The following ITGB1 variants were observed in gnomAD, a reference collection of about 807,000 sequenced individuals.
ITGB1 encodes the protein integrin subunit beta 1, also known as integrin beta-1.
Under a neutral mutation model 86.5 loss-of-function variants are expected in ITGB1, and 24 were observed. The observed-to-expected ratio is 0.28, with a 90% CI of 0.20 to 0.39. The LOEUF (loss-of-function observed/expected upper bound fraction) is 0.39. ITGB1 is among the 10% of genes least tolerant of loss of function. The probability of loss-of-function intolerance (pLI) is 1.00; values close to 1 mark genes in which losing one functional copy is unlikely to be tolerated. For missense variants in ITGB1, 556 were observed against 946.9 expected (o/e 0.59, Z 5.42); for synonymous variants, 323 against 316.8 (o/e 1.02, Z -0.21).
At chr10:32,933,836 A>G (rs183539841) in intron 2 of ITGB1, among the ~76,000 whole-genome samples, 132 of 152,256 alleles carry the variant, frequency 8.7e-4, no homozygotes, top group African/African-American at 3.1e-3. Context: ...TTATCATCAC[A>G]AATTCTTTTT....
intron 15 of ITGB1, among the ~76,000 whole-genome samples, chr10:32,902,271 A>T (rs1421308353): frequency 6.6e-6 from 1 of 152,238 alleles, no homozygotes; most frequent in Non-Finnish European, 1.5e-5. Flanking sequence ...GTCTTATTGC[A>T]GTGCTATAAT....
chr10:32,930,847 T>G (rs550531141), intron 3 of ITGB1, among the ~76,000 whole-genome samples: 1 of 152,082 alleles, frequency 6.6e-6, no homozygotes, highest in Non-Finnish European at 1.5e-5. Flanking sequence ...AAATAAAAAT[T>G]TAATCATATA....
In ITGB1 at chr10:32,915,442, G is replaced by A. The variant is rs560527855; in HGVS notation, c.1470-3318C>T. Among the ~76,000 whole-genome samples, 509 of 152,172 alleles carry A rather than the reference G, an allele frequency of 3.3e-3. 3 individuals carry two copies. Among genetic ancestry groups the A allele is most frequent in the Non-Finnish European group, 5.8e-3 (395 of 68,008 alleles). On this transcript the variant is annotated intron_variant, in intron 11 of 15. Coordinates refer to ENST00000302278, the MANE Select transcript of ITGB1 (RefSeq NM_002211.4). ...AGCAAGACTAATAAAGAAGAAAAGA[G>A]AAGAATCAAATAGATGCAATAAAAA...
intron 1 of ITGB1, chr10:32,951,840 G>A (rs1314158971): frequency 6.6e-6 from 1 of 152,154 alleles, no homozygotes; most frequent in East Asian, 1.9e-4. Flanking sequence ...ATTGTGAGTG[G>A]AGCCAGCAAA....
intron 14 of ITGB1, 24 bp downstream of exon 14, chr10:32,910,199 T>C (rs372592735): frequency 2.6e-6 from 4 of 1,513,534 alleles, no homozygotes; most frequent in Non-Finnish European, 3.7e-6. Context: ...ATGAAAAGAA[T>C]GTCTGCAATC....
chr10:32,928,577 G>C (rs2094972950), intron 4 of ITGB1, among the ~76,000 whole-genome samples: 1 of 152,142 alleles, frequency 6.6e-6, no homozygotes, highest in Non-Finnish European at 1.5e-5. Flanking sequence ...TTAGTCTGGA[G>C]AGGGCAAGGC....
At chr10:32,947,102 CA>C (rs1380375939) in intron 1 of ITGB1, among the ~76,000 whole-genome samples, 1 of 152,070 alleles carries the variant, frequency 6.6e-6, no homozygotes, top group Non-Finnish European at 1.5e-5. Context: ...CTCTGCCTCC[CA>C]AAGTGGTGGG....
intron 1 of ITGB1, among the ~76,000 whole-genome samples, chr10:32,954,440 A>G (rs1032327918): frequency 4.6e-5 from 7 of 152,170 alleles, no homozygotes; most frequent in African/African-American, 7.2e-5. Flanking sequence ...GGGATCTGCA[A>G]AGCTTTCTGA....
intron 1 of ITGB1, chr10:32,944,646 T>A: frequency 1.6e-6 from 1 of 625,392 alleles, no homozygotes; most frequent in South Asian, 1.5e-5. Flanking sequence ...TATAGCTAGC[T>A]GTTGGGTGGT....
intron 8 of ITGB1, 131 bp downstream of exon 8, chr10:32,922,509 T>C: frequency 2.6e-6 from 2 of 761,614 alleles, no homozygotes; most frequent in Non-Finnish European, 4.3e-6. Flanking sequence ...GATTAAAAAT[T>C]AATATAAACC....
rs1185321124 is a variant in ITGB1 at position 32,922,706 on chromosome 10, C to T, written c.972G>A (p.Gln324=). The T allele has an allele frequency of 6.2e-7, 1 of 1,603,954 alleles. No homozygotes were observed. The highest frequency in any genetic ancestry group is 8.5e-7 in the Non-Finnish European group (1 of 1,172,702). The change falls in exon 8 of 16, where the codon CAG becomes CAA. Residue 324 remains glutamine, a synonymous_variant. Coordinates refer to ENST00000302278, the MANE Select transcript of ITGB1 (RefSeq NM_002211.4). Reference sequence around the variant, plus strand: ...TCTGAATATTATTTTCACTCAGTTTCTGGACAAGGTGAGCAATAGAAGGAT... The same window carrying T: ...TCTGAATATTATTTTCACTCAGTTTTTGGACAAGGTGAGCAATAGAAGGAT... ...YDYPSIAHLV[Q]KLSENNIQTI...
chr10:32,948,971 G>GA (rs71299726), intron 1 of ITGB1, among the ~76,000 whole-genome samples: 6,567 of 121,326 alleles, frequency 0.054, 586 homozygotes, highest in African/African-American at 0.17. Context: ...GTGGATTACT[G>GA]AAAAAAAAAA....
At chr10:32,952,695 C>T (rs1424713378) in intron 1 of ITGB1, among the ~76,000 whole-genome samples, 1 of 152,144 alleles carries the variant, frequency 6.6e-6, no homozygotes, top group African/African-American at 2.4e-5. Flanking sequence ...TTCCTCATCA[C>T]TCCACTGAAA....
intron 9 of ITGB1, among the ~76,000 whole-genome samples, chr10:32,921,520 TA>T (rs1459221585): frequency 2.6e-5 from 4 of 151,986 alleles, no homozygotes; most frequent in African/African-American, 9.7e-5. Context: ...GCCAAAGGGT[TA>T]GGGGGATGGG....
At chr10:32,942,803 G>A (rs2095022185) in intron 1 of ITGB1, among the ~76,000 whole-genome samples, 1 of 150,800 alleles carries the variant, frequency 6.6e-6, no homozygotes, top group Non-Finnish European at 1.5e-5. Flanking sequence ...TCCCATCTCA[G>A]CCTCCCAAGT....
At position 32,929,893 on chromosome 10, in the gene ITGB1, G is replaced by A. The variant is rs2094977517; in HGVS notation, c.305C>T (p.Thr102Ile). The change falls in exon 4 of 16, where the codon ACA becomes ATA. Residue 102 changes from threonine (T) to isoleucine (I), a missense_variant. By Grantham distance (89) the Thr-to-Ile change is moderately conservative. Around this residue, in one of 4 missense-constraint regions of ITGB1, gnomAD observed 183 missense variants for 263.9 expected, o/e 0.69. Coordinates refer to ENST00000302278, the MANE Select transcript of ITGB1 (RefSeq NM_002211.4). The part of the protein sequence containing the change: ...NKNVTNRSKG[T>I]AEKLKPEDIT... The stretch of plus-strand genomic sequence containing the variant: ...ATCCTCTGGCTTGAGCTTCTCTGCT[G>A]TTCCTTTGCTACGGTTGGTTACATT... 1 of 1,612,920 alleles carries A rather than the reference G, an allele frequency of 6.2e-7. No individual in the cohort carries two copies. The highest frequency in any genetic ancestry group is 1.6e-4 in the Middle Eastern group (1 of 6,062).
intron 2 of ITGB1, among the ~76,000 whole-genome samples, chr10:32,935,251 T>C (rs2094997421): frequency 6.6e-6 from 1 of 152,230 alleles, no homozygotes; most frequent in African/African-American, 2.4e-5. Context: ...TTGCAGTGTG[T>C]TCAATCCCTA....
intron 2 of ITGB1, 117 bp downstream of exon 2, chr10:32,935,375 G>T: frequency 1.5e-6 from 1 of 648,304 alleles, no homozygotes; most frequent in Non-Finnish European, 2.8e-6. Flanking sequence ...AACAATTGCA[G>T]GGCTTCCAGA....
Position 32,957,560 on chromosome 10 carries a change from C to G in ITGB1, c.-1+585G>C, listed in dbSNP as rs2095055064. On this transcript the variant is annotated intron_variant, in intron 1 of 15. Coordinates refer to ENST00000302278, the MANE Select transcript of ITGB1 (RefSeq NM_002211.4). The stretch of plus-strand genomic sequence containing the variant: ...GCCAACTTCTACCCGGCTCCCGCCG[C>G]CCCCGCCCGCGGCGCTGGCCCCAGG... Among the ~76,000 whole-genome samples, 3 of 152,216 alleles carry G rather than the reference C, an allele frequency of 2.0e-5. No homozygotes were observed. In the South Asian group the frequency reaches 6.2e-4, roughly 32 times the overall value.
Sources: gnomAD v4.1 joint callset for allele counts (sites outside exome capture counted in the v4.1 genomes callset) on GRCh38, gnomAD v4.1.1 for gene constraint, gnomAD v4.1.1 regional missense constraint, MANE v1.5 for transcripts, NCBI Gene and HGNC (gene_info 2026-07-23, HGNC 2026-07-21) for gene names.